Variants in CEP41 observed in about 807,000 individuals in gnomAD.
CEP41 encodes the protein centrosomal protein 41.
CEP41 carries 32 observed loss-of-function variants against 44.3 expected under a neutral mutation model. The observed-to-expected ratio is 0.72, with a 90% CI of 0.54 to 0.97. The LOEUF (loss-of-function observed/expected upper bound fraction) is 0.97. Among genes scored for constraint, CEP41 ranks in the 50% least tolerant of loss-of-function variants. The pLI, the probability that CEP41 is intolerant of heterozygous loss-of-function variation, is 0.00. For missense variants in CEP41, 432 were observed against 455.2 expected (o/e 0.95, Z 0.46); for synonymous variants, 151 against 168.5 (o/e 0.90, Z 0.80).
chr7:130,431,976 G>A (rs1480641790), intron 1 of CEP41, among the ~76,000 whole-genome samples: 1 of 152,132 alleles, frequency 6.6e-6, no homozygotes, highest in East Asian at 1.9e-4. Flanking sequence ...AGGTGCTACT[G>A]GCATCTTAGT....
rs1796631056 is a variant in CEP41, at chr7:130,395,472, T to A, written c.*3419A>T. ...GAACTGGAGAAAGAAAGGTTCTTAC[T>A]GATTATCTTCAGAGTAGAGCAAGAA... On this transcript the variant is annotated 3_prime_UTR_variant, in exon 11 of 11. Transcript: ENST00000223208. 1 of 454,022 alleles carries A rather than the reference T, an allele frequency of 2.2e-6. No homozygotes were observed. The highest frequency in any genetic ancestry group is 1.6e-5 in the South Asian group (1 of 64,480). 28.1% of individuals were successfully genotyped at this position (454,022 alleles called of 1,614,324 possible).
chr7:130,419,950 T>TACAC lies in CEP41; in HGVS notation c.98-2988_98-2985dup, dbSNP rs138793861. The TACAC allele has an allele frequency of 4.4e-4, 426 of 969,780 alleles. 1 individual carries two copies. The highest frequency in any genetic ancestry group is 1.7e-3 in the African/African-American group (98 of 56,224). The allele number at this position is 969,780 out of a possible 1,614,324, so 60.1% of individuals were successfully genotyped here. A position where few individuals can be genotyped will look rare whatever the true frequency, so the allele number is the denominator to read the frequency against. ...AAGCCAAGGACTATTTATGGGCACG[T>TACAC]ACACACACACACACACACACACGTA... On this transcript the variant is annotated intron_variant, in intron 2 of 10. Transcript: ENST00000223208.
intron 2 of CEP41, among the ~76,000 whole-genome samples, chr7:130,424,361 C>T (rs1188381388): frequency 6.6e-6 from 1 of 150,382 alleles, no homozygotes; most frequent in Non-Finnish European, 1.5e-5. Context: ...GATCACAGCA[C>T]TGCACTCCAG....
chr7:130,412,972 T>C (rs1364253611), intron 3 of CEP41, among the ~76,000 whole-genome samples: 2 of 152,240 alleles, frequency 1.3e-5, no homozygotes, highest in Admixed American at 1.3e-4. Context: ...GTAGGTGTTA[T>C]GTGTTCTTGT....
rs782208031 is a variant in CEP41, at chr7:130,400,135, G to T, written c.877C>A (p.Pro293Thr). The change falls in exon 10 of 11, where the codon CCC becomes ACC. Residue 293 changes from proline (P) to threonine (T), a missense_variant. Physicochemically the swap from Pro to Thr is conservative, Grantham distance 38. Transcript: ENST00000223208. ...CTCCATTTATTCTCAGCTGGTAGGGGTGGCCCTTTGGGGCTGGATCGTTTC... is the reference window on the plus strand; with the variant it reads ...CTCCATTTATTCTCAGCTGGTAGGGTTGGCCCTTTGGGGCTGGATCGTTTC... ...ARKRSSPKGP[P>T]LPAENKWRFT... The T allele has an allele frequency of 1.2e-6, 2 of 1,613,616 alleles. No individual in the cohort carries two copies. Among genetic ancestry groups the T allele is most frequent in the South Asian group, 1.1e-5 (1 of 91,074 alleles).
chr7:130,405,979 TAA>T (rs1796996758), intron 5 of CEP41, among the ~76,000 whole-genome samples: 1 of 152,116 alleles, frequency 6.6e-6, no homozygotes. Flanking sequence ...AACCAGACAC[TAA>T]AGAGATTTAC....
At chr7:130,433,308 T>C (rs1797874736) in intron 1 of CEP41, among the ~76,000 whole-genome samples, 1 of 151,636 alleles carries the variant, frequency 6.6e-6, no homozygotes, top group East Asian at 1.9e-4. Context: ...GGAATAATCT[T>C]TGTTGCTGTT....
chr7:130,435,838 C>T (rs1385930760), intron 1 of CEP41, among the ~76,000 whole-genome samples: 1 of 152,142 alleles, frequency 6.6e-6, no homozygotes, highest in Non-Finnish European at 1.5e-5. Flanking sequence ...CCAAAATGTC[C>T]TATACTAGTT....
At chr7:130,437,039 A>AAAAC (rs1241881174) in intron 1 of CEP41, among the ~76,000 whole-genome samples, 46 of 152,258 alleles carry the variant, frequency 3.0e-4, no homozygotes, top group Middle Eastern at 3.4e-3. Flanking sequence ...AGTTTATCTC[A>AAAAC]AAACAAACAA....
intron 7 of CEP41, among the ~76,000 whole-genome samples, chr7:130,402,180 T>C (rs1796864613): frequency 6.6e-6 from 1 of 151,746 alleles, no homozygotes; most frequent in South Asian, 2.1e-4. Context: ...CTCATCTCTA[T>C]AAAAAATACA....
chr7:130,432,482 T>G (rs1039304704), intron 1 of CEP41, among the ~76,000 whole-genome samples: 1 of 149,572 alleles, frequency 6.7e-6, no homozygotes, highest in African/African-American at 2.5e-5. Context: ...CTGGGCACAG[T>G]GGCTCACACC....
intron 2 of CEP41, 57 bp downstream of exon 2, chr7:130,427,896 TTC>T (rs1166825976): frequency 3.4e-6 from 4 of 1,172,246 alleles, no homozygotes; most frequent in Middle Eastern, 4.2e-4. Context: ...TGGGGTTGCT[TTC>T]TGTCAATAAT....
chr7:130,420,805 C>T (rs2117643900), intron 2 of CEP41: 2 of 646,604 alleles, frequency 3.1e-6, no homozygotes, highest in Non-Finnish European at 3.8e-6. Flanking sequence ...AGGAAAAATA[C>T]ACATTTGCTG....
chr7:130,409,584 T>C (rs1007658484), intron 5 of CEP41, among the ~76,000 whole-genome samples: 12 of 152,332 alleles, frequency 7.9e-5, no homozygotes, highest in African/African-American at 2.6e-4. Flanking sequence ...ACAAACCCAG[T>C]GTTCAGACTT....
chr7:130,440,906 G>A, intron 1 of CEP41, 28 bp downstream of exon 1: 2 of 1,608,294 alleles, frequency 1.2e-6, no homozygotes, highest in Non-Finnish European at 1.7e-6. Flanking sequence ...CGCCCCCTCC[G>A]GCTCTCCGGC....
chr7:130,413,760 C>T (rs756483490), intron 3 of CEP41, among the ~76,000 whole-genome samples: 11 of 152,158 alleles, frequency 7.2e-5, no homozygotes, highest in Non-Finnish European at 1.2e-4. Flanking sequence ...TCCATAGATA[C>T]GTGTTAAAGG....
intron 6 of CEP41, 135 bp downstream of exon 6, chr7:130,404,429 G>A: frequency 1.4e-6 from 1 of 711,302 alleles, no homozygotes; most frequent in Non-Finnish European, 2.5e-6. Context: ...TAAAGTAGAA[G>A]GCTGGGATTA....
intron 2 of CEP41, among the ~76,000 whole-genome samples, chr7:130,418,084 T>C (rs920256619): frequency 6.6e-6 from 1 of 152,198 alleles, no homozygotes; most frequent in South Asian, 2.1e-4. Context: ...AAATCCACCA[T>C]TGTTTTCTTT....
intron 1 of CEP41, among the ~76,000 whole-genome samples, chr7:130,433,093 C>G (rs1311276971): frequency 6.6e-6 from 1 of 152,104 alleles, no homozygotes; most frequent in African/African-American, 2.4e-5. Flanking sequence ...AACAAGTGAA[C>G]AAGAATGCTG....
Sources: allele counts gnomAD v4.1 joint callset (sites outside exome capture counted in the v4.1 genomes callset), GRCh38; gene constraint gnomAD v4.1.1; transcripts MANE v1.5; gene names NCBI Gene and HGNC (gene_info 2026-07-23, HGNC 2026-07-21).